Variants in INTS2 observed in about 807,000 individuals in gnomAD.
The protein encoded by INTS2 is integrator complex subunit 2, also known as KIAA1287.
In INTS2, 57 loss-of-function variants were observed where a neutral mutation model predicts 139.6. The ratio of observed to expected loss-of-function variants is 0.41; its 90% CI spans 0.33 to 0.51. INTS2 has a LOEUF of 0.51. INTS2 is among the 20% of genes least tolerant of loss of function. The pLI is 0.28. For synonymous variants in INTS2, 473 were observed against 493.4 expected, an observed-to-expected ratio of 0.96 and a Z score of 0.55; for missense variants, 1,196 against 1,436.7, an observed-to-expected ratio of 0.83 and a Z score of 2.71.
In INTS2 at chr17:61,881,132, T is replaced by C; in HGVS notation, c.2129A>G (p.Tyr710Cys). Residue 710 changes from tyrosine to cysteine, a missense_variant, in exon 17 of 25, where the codon TAC becomes TGC. Coordinates refer to ENST00000251334, the MANE Select transcript of INTS2 (RefSeq NM_001351695.2). ...GTCATCCACAATACATAAATGTGGG[T>C]AGTTAGTAGCAAGGAGACGTAGTAA... ...SALLRLLATN[Y>C]PHLCIVDDWI... 6.2e-7 allele frequency: 1 copy of C among 1,613,522 alleles called. No homozygotes were observed. The highest frequency in any genetic ancestry group is 8.5e-7 in the Non-Finnish European group (1 of 1,179,582).
intron 15 of INTS2, chr17:61,885,360 G>A (rs543578021): frequency 2.5e-5 from 5 of 201,114 alleles, no homozygotes; most frequent in East Asian, 1.3e-4. Context: ...ATGAACATAT[G>A]GCCTAGAGCT....
rs2079312874 is a variant in INTS2 at position 61,893,100 on chromosome 17, C to T, written c.1698+665G>A. ...ACAGCCTGGGCGACAGAGTGAGACC[C>T]TGTCTTTAAAATTAAAAAAAAAAAT... On this transcript the variant is annotated intron_variant, in intron 13 of 24. Transcript: ENST00000251334. The surrounding 1 kb of genome is among the most constrained non-coding windows in gnomAD (Gnocchi z 5.4). Among the ~76,000 whole-genome samples the T allele has an allele frequency of 6.6e-6, 1 of 151,214 alleles. No homozygotes were observed. Among genetic ancestry groups the T allele is most frequent in the Non-Finnish European group, 1.5e-5 (1 of 67,886 alleles).
intron 9 of INTS2, among the ~76,000 whole-genome samples, chr17:61,900,459 G>A (rs1043570482): frequency 2.0e-5 from 3 of 152,146 alleles, no homozygotes; most frequent in African/African-American, 7.2e-5. Flanking sequence ...TCTGAAAGTA[G>A]GAGAATTAAG....
At chr17:61,898,136 CTGAG>C (rs1160866550) in intron 9 of INTS2, among the ~76,000 whole-genome samples, 1 of 152,098 alleles carries the variant, frequency 6.6e-6, no homozygotes, top group Non-Finnish European at 1.5e-5. Flanking sequence ...ATATCACAAA[CTGAG>C]TGCCAAACAG....
intron 1 of INTS2, 41 bp downstream of exon 1, chr17:61,927,613 C>T: frequency 1.8e-5 from 24 of 1,297,992 alleles, no homozygotes; most frequent in Non-Finnish European, 2.4e-5. Flanking sequence ...CCGACACGGA[C>T]CTAGGAACGC....
chr17:61,903,561 G>A (rs2079430443), intron 9 of INTS2, among the ~76,000 whole-genome samples: 1 of 151,718 alleles, frequency 6.6e-6, no homozygotes, highest in Non-Finnish European at 1.5e-5. Flanking sequence ...AAAACATCTG[G>A]AGAGAAGATT....
At position 61,873,827 on chromosome 17, in the gene INTS2, A is replaced by G. The variant is rs2079107574; in HGVS notation, c.2582+1086T>C. 6.6e-6 allele frequency among the ~76,000 whole-genome samples: 1 copy of G among 152,176 alleles called. No homozygotes were observed. The highest frequency in any genetic ancestry group is 1.9e-4 in the East Asian group (1 of 5,198). On this transcript the variant is annotated intron_variant, in intron 19 of 24. Transcript: ENST00000251334. This position sits in a 1 kb window ranked among gnomAD's most constrained non-coding sequence, Gnocchi z 4.0. Reference sequence around the variant, plus strand: ...TCCTCTAATCCACCTAGCACAAAGCATCTTTTCCTAAGTTATAACCCCAAC... The same window carrying G: ...TCCTCTAATCCACCTAGCACAAAGCGTCTTTTCCTAAGTTATAACCCCAAC...
chr17:61,925,107 A>G lies in INTS2; in HGVS notation c.294-8T>C. The G allele has an allele frequency of 6.2e-7, 1 of 1,610,770 alleles. No homozygotes were observed. The highest frequency in any genetic ancestry group is 8.5e-7 in the Non-Finnish European group (1 of 1,177,644). Reference sequence around the variant, plus strand: ...CCTCCTCCAAGTTTATGCCTAATGAAGTACAAAACATGTAACAATTATGAA... The same window carrying G: ...CCTCCTCCAAGTTTATGCCTAATGAGGTACAAAACATGTAACAATTATGAA... On this transcript the variant is annotated splice_region_variant and splice_polypyrimidine_tract_variant and intron_variant, in intron 2 of 24. Transcript: ENST00000251334.
intron 9 of INTS2, among the ~76,000 whole-genome samples, chr17:61,902,056 G>A (rs1422906746): frequency 4.6e-5 from 7 of 152,166 alleles, no homozygotes; most frequent in Non-Finnish European, 7.4e-5. Flanking sequence ...TGAAGGTGTT[G>A]CTTCATTGTC....
rs913831786 is a variant in INTS2 at position 61,882,021 on chromosome 17, G to A, written c.2090-850C>T. ...AAGGTCCTATTCAGAAATACTGATA[G>A]GCTTCTGTAGAGAACATGCCCTTTC... On this transcript the variant is annotated intron_variant, in intron 16 of 24. Transcript: ENST00000251334. This position sits in a 1 kb window ranked among gnomAD's most constrained non-coding sequence, Gnocchi z 4.7. Among the ~76,000 whole-genome samples the A allele has an allele frequency of 1.7e-4, 26 of 152,270 alleles. No homozygotes were observed. Among genetic ancestry groups the A allele is most frequent in the African/African-American group, 6.0e-4 (25 of 41,550 alleles).
intron 16 of INTS2, among the ~76,000 whole-genome samples, chr17:61,884,404 A>G (rs1385176119): frequency 6.6e-6 from 1 of 151,994 alleles, no homozygotes; most frequent in Non-Finnish European, 1.5e-5. Context: ...GAGGCATGAG[A>G]ATCACTTGAA....
At chr17:61,896,037 C>T (rs2079344581) in intron 11 of INTS2, among the ~76,000 whole-genome samples, 1 of 151,844 alleles carries the variant, frequency 6.6e-6, no homozygotes, top group Non-Finnish European at 1.5e-5. Flanking sequence ...GTCAGGAGAT[C>T]GACACCATCC....
chr17:61,903,058 G>A (rs911197576), intron 9 of INTS2, among the ~76,000 whole-genome samples: 4 of 149,942 alleles, frequency 2.7e-5, no homozygotes, highest in Non-Finnish European at 5.9e-5. Context: ...CCAGCTACTC[G>A]GGAGGCTGAG....
intron 2 of INTS2, 64 bp from the exon 3 acceptor site, chr17:61,925,163 T>A: frequency 1.4e-6 from 2 of 1,403,844 alleles, no homozygotes; most frequent in Non-Finnish European, 2.0e-6. Flanking sequence ...TGCATAAAAA[T>A]TATCTTTTAT....
intron 7 of INTS2, among the ~76,000 whole-genome samples, chr17:61,908,351 G>A (rs999900812): frequency 9.9e-5 from 15 of 152,040 alleles, no homozygotes; most frequent in African/African-American, 3.6e-4. Context: ...GGAGGCGGAG[G>A]TTACAATGAG....
chr17:61,872,639 A>G lies in INTS2; in HGVS notation c.2583-179T>C, dbSNP rs1159324672. Among the ~76,000 whole-genome samples the G allele has an allele frequency of 2.6e-5, 4 of 152,218 alleles. No individual in the cohort carries two copies. Among genetic ancestry groups the G allele is most frequent in the African/African-American group, 9.6e-5 (4 of 41,468 alleles). On this transcript the variant is annotated intron_variant, in intron 19 of 24. Transcript: ENST00000251334. This position sits in a 1 kb window ranked among gnomAD's most constrained non-coding sequence, Gnocchi z 4.8. ...ATATGTTTCTTATTCTCTGTATTTC[A>G]AGCCCTTATATAAATAGTATTACTT...
chr17:61,889,094 T>TC (rs1391792401), intron 15 of INTS2, among the ~76,000 whole-genome samples: 2 of 150,674 alleles, frequency 1.3e-5, no homozygotes, highest in African/African-American at 4.8e-5. Flanking sequence ...TCTTCTACTT[T>TC]TTTTTTTTTT....
At chr17:61,892,410 A>T (rs1207270795) in intron 13 of INTS2, among the ~76,000 whole-genome samples, 1 of 152,192 alleles carries the variant, frequency 6.6e-6, no homozygotes, top group Non-Finnish European at 1.5e-5. Flanking sequence ...ACTAAGACAA[A>T]TCAAAACATG....
chr17:61,885,949 C>T (rs1045679288), intron 15 of INTS2, among the ~76,000 whole-genome samples: 2 of 149,264 alleles, frequency 1.3e-5, no homozygotes, highest in African/African-American at 2.5e-5. Flanking sequence ...AGGATGGTCT[C>T]GATCTCCTGA....
Sources: allele counts gnomAD v4.1 joint callset (sites outside exome capture counted in the v4.1 genomes callset), GRCh38; gene constraint gnomAD v4.1.1; non-coding constraint Gnocchi (gnomAD v3.1); transcripts MANE v1.5; gene names NCBI Gene and HGNC (gene_info 2026-07-23, HGNC 2026-07-21).